The following PARD3B variants were observed in gnomAD, a reference collection of about 807,000 sequenced individuals.
The protein encoded by PARD3B is partitioning defective 3 homolog B.
PARD3B carries 103 observed loss-of-function variants against 130.2 expected under a neutral mutation model. That is an observed-to-expected ratio of 0.79 (90% CI 0.67 to 0.93). The LOEUF (loss-of-function observed/expected upper bound fraction) is 0.93. PARD3B is among the 40% of genes least tolerant of loss of function. The pLI, the probability that PARD3B is intolerant of heterozygous loss-of-function variation, is 0.00. For synonymous variants in PARD3B, 583 were observed against 553.2 expected, an observed-to-expected ratio of 1.05 and a Z score of -0.76; for missense variants, 1,609 against 1,499.2, an observed-to-expected ratio of 1.07 and a Z score of -1.21.
At chr2:204,584,756 G>A (rs1313655534) in intron 1 of PARD3B, among the ~76,000 whole-genome samples, 2 of 152,178 alleles carry the variant, frequency 1.3e-5, no homozygotes, top group East Asian at 3.9e-4. Context: ...CCAAGGCCAC[G>A]TGGTTTAATA....
intron 18 of PARD3B, among the ~76,000 whole-genome samples, chr2:205,326,205 G>A (rs1408796209): frequency 6.6e-6 from 1 of 152,210 alleles, no homozygotes; most frequent in Non-Finnish European, 1.5e-5. Context: ...CTGAAAATGT[G>A]AGAGCGCTTT....
chr2:205,177,242 AC>A (rs774478213), intron 13 of PARD3B, among the ~76,000 whole-genome samples: 2 of 152,174 alleles, frequency 1.3e-5, no homozygotes, highest in Non-Finnish European at 2.9e-5. Context: ...ATTTTTTATT[AC>A]AAAAACAATA....
rs1331253293 is a variant in PARD3B, at chr2:205,280,538, A to C, written c.2186-19992A>C. ...TTTCTGTTTCCTTCTCTTTTTTCTT[A>C]AGGGAGGGCTTTGGTTCTCAGAGAA... On this transcript the variant is annotated intron_variant, in intron 16 of 22. Transcript: ENST00000406610. This position sits in a 1 kb window ranked among gnomAD's most constrained non-coding sequence, Gnocchi z 4.7. Among the ~76,000 whole-genome samples, 1 of 152,072 alleles carries C rather than the reference A, an allele frequency of 6.6e-6. No individual in the cohort carries two copies. Among genetic ancestry groups the C allele is most frequent in the Non-Finnish European group, 1.5e-5 (1 of 67,988 alleles).
rs1311643630 is a variant in PARD3B at position 204,677,448 on chromosome 2, T to G, written c.121-8733T>G. Among the ~76,000 whole-genome samples, 1 of 152,184 alleles carries G rather than the reference T, an allele frequency of 6.6e-6. No homozygotes were observed. The highest frequency in any genetic ancestry group is 1.5e-5 in the Non-Finnish European group (1 of 68,042). ...TTCTGTCTTTGAAATAGCAAAGTGT[T>G]TTCCTTTTTGTTCTCCAATTTAGAC... On this transcript the variant is annotated intron_variant, in intron 1 of 22. Coordinates refer to ENST00000406610, the MANE Select transcript of PARD3B (RefSeq NM_001302769.2). This position sits in a 1 kb window ranked among gnomAD's most constrained non-coding sequence, Gnocchi z 4.1.
intron 3 of PARD3B, among the ~76,000 whole-genome samples, chr2:205,030,773 T>C (rs1465983627): frequency 2.0e-5 from 3 of 152,126 alleles, no homozygotes; most frequent in Non-Finnish European, 4.4e-5. Context: ...GAAGCTATGG[T>C]AAATTGTTTC....
intron 11 of PARD3B, 127 bp from the exon 12 acceptor site, chr2:205,172,084 C>G: frequency 1.2e-6 from 1 of 862,802 alleles, no homozygotes; most frequent in Non-Finnish European, 1.7e-6. Flanking sequence ...GAAAATAAAT[C>G]ACTTCTAACA....
chr2:204,612,771 A>G (rs865961983), intron 1 of PARD3B, among the ~76,000 whole-genome samples: 5 of 141,756 alleles, frequency 3.5e-5, no homozygotes, highest in Admixed American at 2.1e-4. Flanking sequence ...ACTCTTTGGA[A>G]GCAACCACTT....
At chr2:204,884,290 T>C (rs779525625) in intron 2 of PARD3B, among the ~76,000 whole-genome samples, 5 of 152,092 alleles carry the variant, frequency 3.3e-5, no homozygotes, top group Non-Finnish European at 7.4e-5. Flanking sequence ...CTCACTTGAC[T>C]AAGAAAAAAG....
At chr2:205,398,491 C>T (rs892795947) in intron 18 of PARD3B, among the ~76,000 whole-genome samples, 3 of 152,076 alleles carry the variant, frequency 2.0e-5, no homozygotes, top group African/African-American at 7.2e-5. Context: ...GTTGGTTCGC[C>T]AGAGTCCCAA....
In PARD3B at chr2:205,038,553, C is replaced by T. The variant is rs186937773; in HGVS notation, c.395-9028C>T. 2.8e-4 allele frequency among the ~76,000 whole-genome samples: 42 copies of T among 152,216 alleles called. 1 individual carries two copies. In the East Asian group the frequency reaches 7.3e-3, roughly 27 times the overall value. ...AATGTGAAAACTTTAATAGTTCAAC[C>T]CACTTCAAGTGGAAGTCATTCGTCT... is the stretch of plus-strand genomic sequence containing the variant. On this transcript the variant is annotated intron_variant, in intron 3 of 22. Transcript: ENST00000406610.
At chr2:204,584,283 C>T (rs2032722862) in intron 1 of PARD3B, among the ~76,000 whole-genome samples, 2 of 152,100 alleles carry the variant, frequency 1.3e-5, no homozygotes. Context: ...ACTTGACAGT[C>T]TAGCTACTGG....
In PARD3B at chr2:205,077,535, A is replaced by G. The variant is rs138712114; in HGVS notation, c.505-26891A>G. Among the ~76,000 whole-genome samples the G allele has an allele frequency of 1.7e-4, 26 of 152,318 alleles. No homozygotes were observed. The East Asian group carries it at 4.8e-3, about 28-fold the overall frequency. The stretch of plus-strand genomic sequence containing the variant: ...GATTTTAGAGAAAGCCGTGAAGTTC[A>G]TGCATTCTGTAGTTCTGAGAGTGAT... On this transcript the variant is annotated intron_variant, in intron 4 of 22. Transcript: ENST00000406610.
intron 18 of PARD3B, among the ~76,000 whole-genome samples, chr2:205,393,858 T>C (rs1029379111): frequency 1.1e-4 from 16 of 152,260 alleles, no homozygotes; most frequent in Admixed American, 8.5e-4. Context: ...CATCAGCGTA[T>C]GTATGGGAGT....
chr2:205,330,883 G>A (rs1042965206), intron 18 of PARD3B, among the ~76,000 whole-genome samples: 10 of 152,176 alleles, frequency 6.6e-5, no homozygotes, highest in Admixed American at 1.3e-4. Flanking sequence ...TTCCTTAGTC[G>A]TTTCTCCTAA....
intron 21 of PARD3B, among the ~76,000 whole-genome samples, chr2:205,515,809 C>T (rs1460369009): frequency 1.3e-5 from 2 of 152,130 alleles, no homozygotes; most frequent in Non-Finnish European, 2.9e-5. Flanking sequence ...ATTTAGATCT[C>T]ATTTGTCAAT....
At position 204,827,541 on chromosome 2, in the gene PARD3B, A is replaced by G. The variant is rs925791690; in HGVS notation, c.223-137611A>G. 2.6e-5 allele frequency among the ~76,000 whole-genome samples: 4 copies of G among 152,230 alleles called. 1 individual carries two copies. Among genetic ancestry groups the G allele is most frequent in the African/African-American group, 9.6e-5 (4 of 41,456 alleles). On this transcript the variant is annotated intron_variant, in intron 2 of 22. Coordinates refer to ENST00000406610, the MANE Select transcript of PARD3B (RefSeq NM_001302769.2). ...AATTTGCATTAAGAATATTAATGTGATAATTTTCAAAGTACCCATTAGTCT... is the reference window on the plus strand; with the variant it reads ...AATTTGCATTAAGAATATTAATGTGGTAATTTTCAAAGTACCCATTAGTCT...
At chr2:205,199,222 G>C (rs1473399984) in intron 15 of PARD3B, among the ~76,000 whole-genome samples, 2 of 152,100 alleles carry the variant, frequency 1.3e-5, no homozygotes, top group Non-Finnish European at 2.9e-5. Flanking sequence ...GGTGCTTGCT[G>C]CCTGTACCTA....
At chr2:205,188,833 G>A (rs2036240025) in intron 14 of PARD3B, among the ~76,000 whole-genome samples, 1 of 150,908 alleles carries the variant, frequency 6.6e-6, no homozygotes, top group Admixed American at 6.6e-5. Flanking sequence ...AAAAAAGGGT[G>A]TTGGAGGGAT....
intron 22 of PARD3B, among the ~76,000 whole-genome samples, chr2:205,570,526 G>T (rs777111233): frequency 1.6e-4 from 24 of 152,264 alleles, no homozygotes; most frequent in Middle Eastern, 3.4e-3. Flanking sequence ...CCTTATTATG[G>T]TCTAACTTTC....
Sources: allele counts gnomAD v4.1 joint callset (sites outside exome capture counted in the v4.1 genomes callset), GRCh38; gene constraint gnomAD v4.1.1; non-coding constraint Gnocchi (gnomAD v3.1); transcripts MANE v1.5; gene names NCBI Gene and HGNC (gene_info 2026-07-23, HGNC 2026-07-21).